EGFL7: variants seen among roughly 807,000 people sequenced by gnomAD.
EGFL7 encodes the protein EGF like domain multiple 7.
A neutral mutation model predicts 37.1 loss-of-function variants in EGFL7; 48 were observed. The ratio of observed to expected loss-of-function variants is 1.29; its 90% CI spans 1.03 to 1.65. EGFL7 has a LOEUF of 1.65. EGFL7 is among the 40% of genes most tolerant of loss of function. EGFL7 has a pLI of 0.00. For synonymous variants in EGFL7, 180 were observed against 156.8 expected (o/e 1.15, Z -1.10); for missense variants, 384 against 378.9 (o/e 1.01, Z -0.11).
chr9:136,661,577 G>A (rs898432335), upstream of EGFL7, among the ~76,000 whole-genome samples: 2 of 152,214 alleles, frequency 1.3e-5, no homozygotes, highest in Non-Finnish European at 1.5e-5. Flanking sequence ...TGAAGCAGGT[G>A]CAGAAACAGG....
In EGFL7 at chr9:136,669,532, G is replaced by A. The variant is rs150742316; in HGVS notation, c.198-74G>A. The A allele has an allele frequency of 4.2e-4, 473 of 1,113,848 alleles. 1 individual carries two copies. The African/African-American group carries it at 6.5e-3, about 15-fold the overall frequency. 69.0% of individuals were successfully genotyped at this position (1,113,848 alleles called of 1,614,324 possible). ...TGGGGTGACCCTGTGCACTCTGAGA[G>A]GGGACTCTAGATGCCCAGCAGGTGA... On this transcript the variant is annotated intron_variant, in intron 5 of 10. Transcript: ENST00000308874.
At position 136,668,390 on chromosome 9, in the gene EGFL7, TG is replaced by T. The variant is rs777908739; in HGVS notation, c.80+32del. The T allele has an allele frequency of 3.2e-6, 5 of 1,559,918 alleles. No individual in the cohort carries two copies. In the South Asian group the frequency reaches 4.8e-5, roughly 15 times the overall value. ...GAGCCAAGCCCTAGCCTGGGAGTGC[TG>T]GGGTGGGGGGACCGGGAGCCCTCAG... is the stretch of plus-strand genomic sequence containing the variant. On this transcript the variant is annotated intron_variant, in intron 4 of 10. Transcript: ENST00000308874.
upstream of EGFL7, among the ~76,000 whole-genome samples, chr9:136,662,704 T>C (rs1312019976): frequency 6.6e-6 from 1 of 152,054 alleles, no homozygotes; most frequent in Non-Finnish European, 1.5e-5. Flanking sequence ...GGGGCTAGAC[T>C]CTGATGGCCC....
chr9:136,671,962 G>A lies in EGFL7; in HGVS notation c.673G>A (p.Ala225Thr). ...QLVLAPLHSL[A>T]SQALEHGLPD... ...GGTGCTGGCCCCACTGCACAGCCTG[G>A]CCTCGCAGGCACTGGAGCATGGGCT... is the stretch of plus-strand genomic sequence containing the variant. The change falls in exon 10 of 11, where the codon GCC becomes ACC. Residue 225 changes from alanine (A) to threonine (T), a missense_variant. Transcript: ENST00000308874. The A allele has an allele frequency of 1.3e-6, 2 of 1,536,594 alleles. No homozygotes were observed. Among genetic ancestry groups the A allele is most frequent in the Non-Finnish European group, 8.7e-7 (1 of 1,144,510 alleles).
intron 10 of EGFL7, 85 bp downstream of exon 10, chr9:136,672,173 G>A (rs1024594023): frequency 1.9e-6 from 3 of 1,601,416 alleles, no homozygotes; most frequent in Non-Finnish European, 2.6e-6. Context: ...GGGGTCGGGG[G>A]CGACCAAAGG....
Position 136,668,615 on chromosome 9 carries a change from CGT to C in EGFL7, c.144_145del (p.Tyr49ProfsTer21). The C allele has an allele frequency of 6.2e-7, 1 of 1,607,918 alleles. No individual in the cohort carries two copies. On this transcript the variant is annotated frameshift_variant, in exon 5 of 11. Transcript: ENST00000308874. LOFTEE classifies it high-confidence loss of function. ...GDPVSESFVQRVYQPFLTTCD... is the reference protein window; with the variant it reads ...GDPVSESFVQXVYQPFLTTCD... ...CCCTGTCTCCGAGTCGTTCGTGCAG[CGT>C]GTGTACCAGCCCTTCCTCACCACCT...
At chr9:136,662,291 C>G (rs1845196437), upstream of EGFL7, among the ~76,000 whole-genome samples, 1 of 152,200 alleles carries the variant, frequency 6.6e-6, no homozygotes, top group Non-Finnish European at 1.5e-5. Flanking sequence ...GGGGAGAGAG[C>G]TTGGACTCCA....
In EGFL7 at chr9:136,668,164, C is replaced by T. The variant is rs1002605160; in HGVS notation, c.-42-77C>T. The T allele has an allele frequency of 2.1e-4, 172 of 818,476 alleles. 1 individual carries two copies. Among genetic ancestry groups the T allele is most frequent in the Non-Finnish European group, 3.0e-4 (158 of 525,116 alleles). 50.7% of individuals were successfully genotyped at this position (818,476 alleles called of 1,614,324 possible). On this transcript the variant is annotated intron_variant, in intron 3 of 10. Transcript: ENST00000308874. ...CAGCGGAGATGAGCTGGGCAGGCCT[C>T]GCGGAGCAAGTGCAAACTGCACCCG... is the stretch of plus-strand genomic sequence containing the variant.
upstream of EGFL7, among the ~76,000 whole-genome samples, chr9:136,660,890 G>A (rs1157661708): frequency 1.3e-5 from 2 of 152,188 alleles, no homozygotes; most frequent in African/African-American, 4.8e-5. Context: ...TTCTCCCTCT[G>A]GGCCTCAGTT....
At chr9:136,659,929 G>A (rs1005832421), upstream of EGFL7, among the ~76,000 whole-genome samples, 1 of 152,136 alleles carries the variant, frequency 6.6e-6, no homozygotes, top group Non-Finnish European at 1.5e-5. Context: ...GGGCCCCTGA[G>A]GTGAGGGGAG....
intron 3 of EGFL7, among the ~76,000 whole-genome samples, chr9:136,667,806 G>T (rs1845568658): frequency 6.6e-6 from 1 of 152,190 alleles, no homozygotes. Flanking sequence ...GTCCCTGGTG[G>T]GGCTGGATCC....
intron 10 of EGFL7, 74 bp downstream of exon 10, chr9:136,672,162 G>A (rs1845956253): frequency 6.3e-7 from 1 of 1,590,768 alleles, no homozygotes; most frequent in Non-Finnish European, 8.6e-7. Context: ...ACCCAGGCTT[G>A]GGGGTCGGGG....
chr9:136,669,569 T>C (rs777529173), intron 5 of EGFL7, 37 bp from the exon 6 acceptor site: 1 of 1,499,032 alleles, frequency 6.7e-7, no homozygotes, highest in East Asian at 2.3e-5. Context: ...TAAGGGGGAG[T>C]AGGATGCCCC....
intron 9 of EGFL7, 70 bp from the exon 10 acceptor site, chr9:136,671,856 C>A: frequency 7.0e-7 from 1 of 1,429,182 alleles, no homozygotes; most frequent in Non-Finnish European, 9.1e-7. Flanking sequence ...TCCCAGGGGT[C>A]CTCCCTAGAC....
chr9:136,672,640 C>A lies in EGFL7; in HGVS notation c.*354C>A, dbSNP rs557997352. The A allele has an allele frequency of 4.5e-6, 2 of 443,074 alleles. No individual in the cohort carries two copies. The highest frequency in any genetic ancestry group is 2.0e-5 in the African/African-American group (1 of 51,188). The allele number at this position is 443,074 out of a possible 1,614,324, so 27.4% of individuals were successfully genotyped here. On this transcript the variant is annotated 3_prime_UTR_variant, in exon 11 of 11. Transcript: ENST00000308874. The stretch of plus-strand genomic sequence containing the variant: ...AGGCTGGGTGGGGCCTCAGTGGGGG[C>A]TGCTGCCTGACCCCCAGCACAATAA...
At position 136,672,300 on chromosome 9, in the gene EGFL7, C is replaced by T. The variant is rs1845973410; in HGVS notation, c.*14C>T. On this transcript the variant is annotated 3_prime_UTR_variant, in exon 11 of 11. Transcript: ENST00000308874. ...AAAGACTCGTGACTGCCCAGCGCCCCAGGCTGGACTGAGCCCCTCACGCCG... is the reference window on the plus strand; with the variant it reads ...AAAGACTCGTGACTGCCCAGCGCCCTAGGCTGGACTGAGCCCCTCACGCCG... The T allele has an allele frequency of 6.2e-7, 1 of 1,613,108 alleles. No individual in the cohort carries two copies.
chr9:136,672,504 C>G lies in EGFL7; in HGVS notation c.*218C>G, dbSNP rs1018209826. The G allele has an allele frequency of 1.1e-5, 7 of 625,346 alleles. No homozygotes were observed. The highest frequency in any genetic ancestry group is 5.6e-6 in the Non-Finnish European group (2 of 359,076). 38.7% of individuals were successfully genotyped at this position (625,346 alleles called of 1,614,324 possible). ...CTCTGTGAATCCACCCCTGGCTACC[C>G]CCACCCTGGCTACCCCAACGGCATC... On this transcript the variant is annotated 3_prime_UTR_variant, in exon 11 of 11. Coordinates refer to ENST00000308874, the MANE Select transcript of EGFL7 (RefSeq NM_016215.5).
rs1845502407 is a variant in EGFL7 at position 136,666,725 on chromosome 9, C to T, written c.-42-1516C>T. On this transcript the variant is annotated intron_variant, in intron 3 of 10. Coordinates refer to ENST00000308874, the MANE Select transcript of EGFL7 (RefSeq NM_016215.5). This position sits in a 1 kb window ranked among gnomAD's most constrained non-coding sequence, Gnocchi z 6.8. Reference sequence around the variant, plus strand: ...CATCCCCCTGCCCACATCAAGCCGCCGGGCCGCTGCCCTACCTCTTCCTTC... The same window carrying T: ...CATCCCCCTGCCCACATCAAGCCGCTGGGCCGCTGCCCTACCTCTTCCTTC... Among the ~76,000 whole-genome samples the T allele has an allele frequency of 6.6e-6, 1 of 152,108 alleles. No individual in the cohort carries two copies. The highest frequency in any genetic ancestry group is 1.5e-5 in the Non-Finnish European group (1 of 67,986).
At chr9:136,661,528 G>C (rs186640290), upstream of EGFL7, among the ~76,000 whole-genome samples, 1 of 152,274 alleles carries the variant, frequency 6.6e-6, no homozygotes, top group Non-Finnish European at 1.5e-5. Flanking sequence ...AGCGGTGCCT[G>C]GGTGCCAGGA....
Sources: allele counts gnomAD v4.1 joint callset (sites outside exome capture counted in the v4.1 genomes callset), GRCh38; gene constraint gnomAD v4.1.1; non-coding constraint Gnocchi (gnomAD v3.1); transcripts MANE v1.5; gene names NCBI Gene and HGNC (gene_info 2026-07-23, HGNC 2026-07-21).